Variants in KIAA1217 observed in about 807,000 individuals in gnomAD.
The protein encoded by KIAA1217 is sickle tail protein homolog.
KIAA1217 carries 88 observed loss-of-function variants against 163.9 expected under a neutral mutation model. That is an observed-to-expected ratio of 0.54 (90% CI 0.45 to 0.64). KIAA1217 has a LOEUF of 0.64. Ranked by LOEUF, KIAA1217 falls within the 30% of genes least tolerant of loss-of-function variation. KIAA1217 has a pLI of 0.00. For synonymous variants in KIAA1217, 903 were observed against 923.1 expected, an observed-to-expected ratio of 0.98 and a Z score of 0.39; for missense variants, 2,372 against 2,475.0, an observed-to-expected ratio of 0.96 and a Z score of 0.88.
intron 1 of KIAA1217, among the ~76,000 whole-genome samples, chr10:23,836,415 A>G (rs1392304552): frequency 6.6e-6 from 1 of 152,098 alleles, no homozygotes; most frequent in Non-Finnish European, 1.5e-5. Flanking sequence ...CCATGTGAAG[A>G]CACAGGGAGC....
At chr10:23,748,056 C>T (rs762050325) in intron 1 of KIAA1217, among the ~76,000 whole-genome samples, 47 of 152,306 alleles carry the variant, frequency 3.1e-4, no homozygotes, top group South Asian at 1.2e-3. Context: ...CTCCAGACTG[C>T]ACACCTCTGA....
At chr10:24,286,604 G>A (rs892247061) in intron 2 of KIAA1217, among the ~76,000 whole-genome samples, 3 of 152,110 alleles carry the variant, frequency 2.0e-5, no homozygotes, top group Non-Finnish European at 2.9e-5. Flanking sequence ...GATGGGAAAC[G>A]AGGCAGAAAA....
At chr10:23,824,891 A>G (rs182313946) in intron 1 of KIAA1217, among the ~76,000 whole-genome samples, 4 of 151,752 alleles carry the variant, frequency 2.6e-5, no homozygotes, top group African/African-American at 9.7e-5. Flanking sequence ...CATCCTTTTC[A>G]CTCTCATAAA....
chr10:23,753,960 A>T (rs1005298525), intron 1 of KIAA1217, among the ~76,000 whole-genome samples: 3 of 152,118 alleles, frequency 2.0e-5, no homozygotes, highest in Non-Finnish European at 4.4e-5. Flanking sequence ...CAGCTCAAAA[A>T]TACCCTCATT....
chr10:23,876,643 A>G (rs959372009), intron 1 of KIAA1217, among the ~76,000 whole-genome samples: 2 of 151,938 alleles, frequency 1.3e-5, no homozygotes, highest in Non-Finnish European at 2.9e-5. Context: ...ATCTTCTACA[A>G]TGCTAGACCA....
chr10:24,219,954 T>C (rs747218243), intron 2 of KIAA1217, 45 bp downstream of exon 2: 2 of 1,524,316 alleles, frequency 1.3e-6, no homozygotes, highest in South Asian at 1.3e-5. Flanking sequence ...CGCTCTCTAA[T>C]GAACATCGAG....
Position 24,062,114 on chromosome 10 carries a change from T to C in KIAA1217, c.-171+54740T>C, listed in dbSNP as rs2060745698. 3.9e-5 allele frequency among the ~76,000 whole-genome samples: 6 copies of C among 152,096 alleles called. No individual in the cohort carries two copies. In the South Asian group the frequency reaches 1.2e-3, roughly 32 times the overall value. Reference sequence around the variant, plus strand: ...TGCTGTCAAACACCAACCTAATGAATTTTTTAGTTTAGTTAATGTATTCTT... The same window carrying C: ...TGCTGTCAAACACCAACCTAATGAACTTTTTAGTTTAGTTAATGTATTCTT... On this transcript the variant is annotated intron_variant, in intron 2 of 18. Transcript: ENST00000376462.
intron 2 of KIAA1217, among the ~76,000 whole-genome samples, chr10:24,223,807 C>T (rs192861164): frequency 6.0e-5 from 9 of 150,510 alleles, no homozygotes; most frequent in South Asian, 2.1e-4. Context: ...TCAACCTCCG[C>T]GGCTCAAGCA....
intron 3 of KIAA1217, among the ~76,000 whole-genome samples, chr10:24,389,865 G>A (rs892332638): frequency 1.1e-4 from 17 of 152,006 alleles, no homozygotes; most frequent in African/African-American, 4.1e-4. Context: ...AGCTCCCAGG[G>A]CACGGCCACC....
intron 1 of KIAA1217, among the ~76,000 whole-genome samples, chr10:23,911,007 A>C (rs1842406219): frequency 1.3e-5 from 2 of 152,192 alleles, no homozygotes; most frequent in African/African-American, 4.8e-5. Context: ...CTCTAACTCA[A>C]TTTGGATGCC....
chr10:24,103,532 C>T (rs569948847), intron 2 of KIAA1217, among the ~76,000 whole-genome samples: 122 of 152,054 alleles, frequency 8.0e-4, no homozygotes, highest in Non-Finnish European at 1.6e-3. Flanking sequence ...AATTATGCAA[C>T]GAACTCTTAA....
At chr10:23,806,365 T>C (rs1163880618) in intron 1 of KIAA1217, among the ~76,000 whole-genome samples, 1 of 152,222 alleles carries the variant, frequency 6.6e-6, no homozygotes, top group Non-Finnish European at 1.5e-5. Context: ...AAAATGTGAA[T>C]GACTTTTTTA....
chr10:24,504,090 T>C (rs2068029043), intron 9 of KIAA1217, among the ~76,000 whole-genome samples: 1 of 152,196 alleles, frequency 6.6e-6, no homozygotes, highest in African/African-American at 2.4e-5. Context: ...TTTGGTCCTC[T>C]GGCCGGCTGG....
At chr10:24,326,900 G>A (rs1280184306) in intron 2 of KIAA1217, among the ~76,000 whole-genome samples, 1 of 152,196 alleles carries the variant, frequency 6.6e-6, no homozygotes, top group African/African-American at 2.4e-5. Context: ...ATTTGTAAAT[G>A]ATGCTTAATA....
chr10:24,481,737 A>G (rs1015934691), intron 6 of KIAA1217: 9 of 152,172 alleles, frequency 5.9e-5, no homozygotes, highest in African/African-American at 2.2e-4. Flanking sequence ...ATTAATTCCA[A>G]AGAAGTGATA....
At chr10:23,790,577 A>G (rs141072355) in intron 1 of KIAA1217, among the ~76,000 whole-genome samples, 7 of 123,646 alleles carry the variant, frequency 5.7e-5, no homozygotes, top group South Asian at 2.2e-4. Flanking sequence ...ATATATACAT[A>G]TGTATATGTA....
intron 2 of KIAA1217, among the ~76,000 whole-genome samples, chr10:24,076,326 G>A (rs1389530967): frequency 3.3e-5 from 5 of 152,190 alleles, no homozygotes; most frequent in African/African-American, 4.8e-5. Context: ...GGAGAGAGGC[G>A]CAGGGCCCCA....
chr10:24,205,286 G>T (rs7911970), upstream of KIAA1217, among the ~76,000 whole-genome samples: 6 of 124,208 alleles, frequency 4.8e-5, no homozygotes, highest in African/African-American at 1.9e-4. Context: ...GTGAAACCCC[G>T]TCTCTACTAA....
At chr10:24,070,965 G>A (rs998615483) in intron 2 of KIAA1217, among the ~76,000 whole-genome samples, 4 of 151,962 alleles carry the variant, frequency 2.6e-5, no homozygotes, top group Non-Finnish European at 5.9e-5. Context: ...ATATTTTTAA[G>A]GGTATTTCTA....
Sources: gnomAD v4.1 joint callset for allele counts (sites outside exome capture counted in the v4.1 genomes callset) on GRCh38, gnomAD v4.1.1 for gene constraint, MANE v1.5 for transcripts, NCBI Gene and HGNC (gene_info 2026-07-23, HGNC 2026-07-21) for gene names.